IMPG1: variants seen among roughly 807,000 people sequenced by gnomAD.
The protein encoded by IMPG1 is interphotoreceptor matrix proteoglycan 1.
A neutral mutation model predicts 92.0 loss-of-function variants in IMPG1; 85 were observed. The observed-to-expected ratio is 0.92, with a 90% confidence interval of 0.78 to 1.11. The LOEUF is 1.11. Ranked by LOEUF, IMPG1 falls within the 50% of genes least tolerant of loss-of-function variation. The pLI, the probability that IMPG1 is intolerant of heterozygous loss-of-function variation, is 0.00. For synonymous variants in IMPG1, 367 were observed against 334.1 expected (o/e 1.10, Z -1.08); for missense variants, 1,022 against 956.0 (o/e 1.07, Z -0.91).
chr6:75,979,152 A>G (rs1782586805), intron 12 of IMPG1, among the ~76,000 whole-genome samples: 1 of 152,140 alleles, frequency 6.6e-6, no homozygotes, highest in Non-Finnish European at 1.5e-5. Context: ...CCTGGGCTCA[A>G]GGAATCTGCC....
intron 12 of IMPG1, among the ~76,000 whole-genome samples, chr6:75,991,402 A>AG (rs1420279925): frequency 6.6e-6 from 1 of 152,054 alleles, no homozygotes; most frequent in African/African-American, 2.4e-5. Context: ...GAAATAAAAA[A>AG]AAAAAAAGGC....
chr6:75,958,505 C>T (rs1782164848), intron 12 of IMPG1, among the ~76,000 whole-genome samples: 1 of 152,146 alleles, frequency 6.6e-6, no homozygotes, highest in Non-Finnish European at 1.5e-5. Flanking sequence ...CATTCGCCCC[C>T]TGCATCACTT....
At chr6:75,922,342 G>A (rs1421563506) in intron 16 of IMPG1, among the ~76,000 whole-genome samples, 176 bp from the exon 17 acceptor site, 2 of 152,128 alleles carry the variant, frequency 1.3e-5, no homozygotes, top group Admixed American at 6.5e-5. Flanking sequence ...TACTAGAAAT[G>A]TACTCCATGC....
chr6:75,933,143 G>A (rs575153232), intron 14 of IMPG1, among the ~76,000 whole-genome samples: 4 of 152,144 alleles, frequency 2.6e-5, no homozygotes, highest in Non-Finnish European at 4.4e-5. Flanking sequence ...GAATGTGGTC[G>A]AAAGCTTGGA....
intron 15 of IMPG1, among the ~76,000 whole-genome samples, chr6:75,925,654 C>G (rs920415734): frequency 7.4e-6 from 1 of 134,994 alleles, no homozygotes; most frequent in Non-Finnish European, 1.6e-5. Context: ...CAGTGAGACC[C>G]TATCTGTGTT....
rs1333069179 is a variant in IMPG1 at position 75,929,683 on chromosome 6, AAAACTT to A, written c.2243+1264_2243+1269del. Among the ~76,000 whole-genome samples the A allele has an allele frequency of 1.2e-4, 19 of 152,124 alleles. No homozygotes were observed. The East Asian group carries it at 3.7e-3, about 29-fold the overall frequency. On this transcript the variant is annotated intron_variant, in intron 15 of 16. Coordinates refer to ENST00000369950, the MANE Select transcript of IMPG1 (RefSeq NM_001563.4). ...CCTGCATGTTGTGCACATGTACCCT[AAAACTT>A]AAAGTATAATAATAATAAAATTAAA...
intron 5 of IMPG1, among the ~76,000 whole-genome samples, chr6:76,022,951 TTA>T (rs1267347167): frequency 2.6e-5 from 4 of 152,246 alleles, no homozygotes; most frequent in Non-Finnish European, 4.4e-5. Context: ...ATGCCTTAGT[TTA>T]TTCTTGTGTT....
In IMPG1 at chr6:76,005,314, C is replaced by A. The variant is rs1562366491; in HGVS notation, c.1108G>T (p.Asp370Tyr). 6.2e-7 allele frequency: 1 copy of A among 1,613,928 alleles called. No homozygotes were observed. Among genetic ancestry groups the A allele is most frequent in the Non-Finnish European group, 8.5e-7 (1 of 1,179,940 alleles). ...SKALEEEQSL[D>Y]VGTIQFTDEI... ...TCAGTGAACTGAATTGTCCCCACAT[C>A]CAAAGATTGTTCTTCCTCTAGTGCT... is the stretch of plus-strand genomic sequence containing the variant. The change falls in exon 10 of 17, where the codon GAT (aspartate) becomes TAT (tyrosine). Residue 370 changes from aspartate to tyrosine, a missense_variant. By Grantham distance (160) the Asp-to-Tyr change is radical. This residue lies in a region of IMPG1 where 681 missense variants were observed against 583.6 expected (regional missense o/e 1.17). Coordinates refer to ENST00000369950, the MANE Select transcript of IMPG1 (RefSeq NM_001563.4).
chr6:75,926,851 A>T (rs1330331055), intron 15 of IMPG1, among the ~76,000 whole-genome samples: 2 of 152,206 alleles, frequency 1.3e-5, no homozygotes, highest in African/African-American at 4.8e-5. Context: ...GGAAAAGAAT[A>T]GAAGGAAAAA....
At position 76,025,184 on chromosome 6, in the gene IMPG1, C is replaced by G. The variant is rs887059710; in HGVS notation, c.562+10G>C. The G allele has an allele frequency of 6.5e-7, 1 of 1,547,654 alleles. No individual in the cohort carries two copies. Among genetic ancestry groups the G allele is most frequent in the African/African-American group, 1.4e-5 (1 of 73,456 alleles). On this transcript the variant is annotated intron_variant, in intron 5 of 16. Coordinates refer to ENST00000369950, the MANE Select transcript of IMPG1 (RefSeq NM_001563.4). Reference sequence around the variant, plus strand: ...AAGTTGAGAAGCAAAGAAATTAGATCTAAGCTTACCTGTTGAAATGACAAT... The same window carrying G: ...AAGTTGAGAAGCAAAGAAATTAGATGTAAGCTTACCTGTTGAAATGACAAT...
At chr6:76,029,968 G>A (rs1783626339) in intron 4 of IMPG1, among the ~76,000 whole-genome samples, 1 of 151,660 alleles carries the variant, frequency 6.6e-6, no homozygotes, top group African/African-American at 2.4e-5. Context: ...CAAGCTTTAG[G>A]TAAAAGCCCT....
chr6:76,058,973 A>G (rs1284094692), intron 1 of IMPG1, among the ~76,000 whole-genome samples: 2 of 152,162 alleles, frequency 1.3e-5, no homozygotes, highest in East Asian at 1.9e-4. Flanking sequence ...GTGGCAAACT[A>G]TATAGGACTT....
Position 76,000,299 on chromosome 6 carries a change from A to G in IMPG1, c.1291+2619T>C, listed in dbSNP as rs559990278. On this transcript the variant is annotated intron_variant, in intron 12 of 16. Coordinates refer to ENST00000369950, the MANE Select transcript of IMPG1 (RefSeq NM_001563.4). ...GTGAAACTTATAACACATAAAATTA[A>G]CTATTTTAAGGTAAATGATTCAGTG... Among the ~76,000 whole-genome samples the G allele has an allele frequency of 3.3e-5, 5 of 152,374 alleles. No homozygotes were observed. In the South Asian group the frequency reaches 1.0e-3, roughly 32 times the overall value.
intron 12 of IMPG1, among the ~76,000 whole-genome samples, chr6:75,978,706 T>C (rs1472804550): frequency 1.3e-5 from 2 of 152,246 alleles, no homozygotes; most frequent in Non-Finnish European, 2.9e-5. Flanking sequence ...CTATTTTCCA[T>C]GTACTTGCAA....
At chr6:76,008,676 G>C (rs927722230) in intron 8 of IMPG1, among the ~76,000 whole-genome samples, 1 of 152,114 alleles carries the variant, frequency 6.6e-6, no homozygotes, top group Non-Finnish European at 1.5e-5. Context: ...GGCTTCCTGG[G>C]TCAAGACCCT....
intron 1 of IMPG1, among the ~76,000 whole-genome samples, chr6:76,067,126 A>C (rs1187620975): frequency 6.6e-6 from 1 of 152,142 alleles, no homozygotes; most frequent in Non-Finnish European, 1.5e-5. Context: ...TCACACATCA[A>C]GGAACTAGAA....
chr6:76,023,064 T>G (rs1388466424), intron 5 of IMPG1, among the ~76,000 whole-genome samples: 1 of 152,222 alleles, frequency 6.6e-6, no homozygotes, highest in Non-Finnish European at 1.5e-5. Flanking sequence ...TACTTGTCAC[T>G]GTGAGGCTCT....
intron 5 of IMPG1, among the ~76,000 whole-genome samples, chr6:76,023,611 G>A (rs1164773928): frequency 6.6e-6 from 1 of 152,122 alleles, no homozygotes; most frequent in Non-Finnish European, 1.5e-5. Flanking sequence ...TGTTCTGTGT[G>A]TATACTTCAA....
intron 7 of IMPG1, among the ~76,000 whole-genome samples, chr6:76,013,454 C>T (rs899809185): frequency 6.6e-6 from 1 of 152,040 alleles, no homozygotes; most frequent in Non-Finnish European, 1.5e-5. Context: ...TTCCCTCCTC[C>T]CCACACTGCA....
Sources: allele counts gnomAD v4.1 joint callset (sites outside exome capture counted in the v4.1 genomes callset), GRCh38; gene constraint gnomAD v4.1.1; regional missense constraint gnomAD v4.1.1; transcripts MANE v1.5; gene names NCBI Gene and HGNC (gene_info 2026-07-23, HGNC 2026-07-21).